Variants in PCDHA4 observed in about 807,000 individuals in gnomAD.
PCDHA4 encodes the protein protocadherin alpha 4.
Under a neutral mutation model 61.4 loss-of-function variants are expected in PCDHA4, and 49 were observed. The ratio of observed to expected loss-of-function variants is 0.80; its 90% CI spans 0.63 to 1.01. The LOEUF is 1.01. PCDHA4 is among the 50% of genes least tolerant of loss of function. The pLI, the probability that PCDHA4 is intolerant of heterozygous loss-of-function variation, is 0.00. For missense variants in PCDHA4, 1,254 were observed against 1,235.8 expected, an observed-to-expected ratio of 1.01 and a Z score of -0.22; for synonymous variants, 590 against 550.3, an observed-to-expected ratio of 1.07 and a Z score of -1.01.
chr5:140,832,222 T>A (rs1554133477), intron 1 of PCDHA4, among the ~76,000 whole-genome samples: 1 of 152,164 alleles, frequency 6.6e-6, no homozygotes, highest in Non-Finnish European at 1.5e-5. Context: ...TTTCCTGGAG[T>A]TGGTTTTGAC....
At chr5:140,874,079 T>C (rs1397045171) in intron 1 of PCDHA4, among the ~76,000 whole-genome samples, 2 of 152,234 alleles carry the variant, frequency 1.3e-5, no homozygotes, top group African/African-American at 4.8e-5. Flanking sequence ...CCTGATGACA[T>C]CAAAATTCAA....
chr5:140,999,628 G>C (rs1169273057), intron 3 of PCDHA4, among the ~76,000 whole-genome samples: 2 of 152,182 alleles, frequency 1.3e-5, no homozygotes, highest in Admixed American at 1.3e-4. Context: ...AGGAAACAAG[G>C]TAGAGAAAAC....
intron 1 of PCDHA4, among the ~76,000 whole-genome samples, chr5:140,975,280 T>G (rs914764307): frequency 5.3e-5 from 8 of 152,252 alleles, no homozygotes; most frequent in Admixed American, 3.9e-4. Context: ...CTCTGACCTC[T>G]AGACCCAGAT....
At chr5:140,926,115 A>G (rs1554203115) in intron 1 of PCDHA4, among the ~76,000 whole-genome samples, 1 of 152,134 alleles carries the variant, frequency 6.6e-6, no homozygotes, top group East Asian at 1.9e-4. Context: ...AGGGTGCAGG[A>G]CAGACTTCAA....
At chr5:140,821,659 T>C in intron 1 of PCDHA4, 4 of 1,173,458 alleles carry the variant, frequency 3.4e-6, no homozygotes, top group Non-Finnish European at 4.8e-6. Context: ...TTTTTGGCTG[T>C]GCCAAGAAGC....
intron 1 of PCDHA4, among the ~76,000 whole-genome samples, chr5:140,964,114 C>T (rs1227257943): frequency 6.6e-6 from 1 of 151,992 alleles, no homozygotes; most frequent in Non-Finnish European, 1.5e-5. Context: ...TGAGCAATCA[C>T]ATTCTAACAA....
intron 1 of PCDHA4, among the ~76,000 whole-genome samples, chr5:140,935,798 G>T (rs1302798386): frequency 6.6e-6 from 1 of 151,552 alleles, no homozygotes; most frequent in Non-Finnish European, 1.5e-5. Context: ...ATATAAACGA[G>T]ATTATTTCAT....
chr5:140,830,344 G>A, intron 1 of PCDHA4: 2 of 1,614,112 alleles, frequency 1.2e-6, no homozygotes, highest in Non-Finnish European at 1.7e-6. Flanking sequence ...GGTCGTACTC[G>A]CAGCAGAGGC....
rs1446194845 is a variant in PCDHA4 at position 140,858,041 on chromosome 5, C to T, written c.2385+48469C>T. 8 of 1,596,732 alleles carry T rather than the reference C, an allele frequency of 5.0e-6. No homozygotes were observed. The African/African-American group carries it at 6.8e-5, about 14-fold the overall frequency. On this transcript the variant is annotated intron_variant, in intron 1 of 3. Transcript: ENST00000530339. ...GTCGCTGACGGCCACGGCCACTGTG[C>T]TTGTGTCGCTTGTGGAGGGCAGCCA...
Position 140,808,837 on chromosome 5 carries a change from G to A in PCDHA4, c.1650G>A (p.Thr550=), listed in dbSNP as rs1764276126. The change falls in exon 1 of 4, where the codon ACG becomes ACA. Residue 550 remains threonine (T), a synonymous_variant. Transcript: ENST00000530339. ...TGCCACCTCTGGGCAGCAACGTGAC[G>A]CTGCAGGTGTTCGTGCTGGACGAAA... ...AGVPPLGSNV[T]LQVFVLDEND... 11 of 1,613,056 alleles carry A rather than the reference G, an allele frequency of 6.8e-6. No homozygotes were observed. The highest frequency in any genetic ancestry group is 2.7e-5 in the African/African-American group (2 of 75,058).
intron 1 of PCDHA4, among the ~76,000 whole-genome samples, chr5:140,936,741 C>T (rs1234099505): frequency 3.3e-5 from 5 of 152,138 alleles, no homozygotes; most frequent in African/African-American, 1.2e-4. Flanking sequence ...AGTAACTTTT[C>T]ATTTGTATTG....
In PCDHA4 at chr5:140,828,940, C is replaced by G. The variant is rs2150161042; in HGVS notation, c.2385+19368C>G. The G allele has an allele frequency of 9.3e-6, 15 of 1,614,160 alleles. No homozygotes were observed. In the South Asian group the frequency reaches 1.4e-4, roughly 15 times the overall value. Reference sequence around the variant, plus strand: ...GGGCAATTTCATATTCTTTTAATAGCCTTGTTGCAGCCATGGTTATTGACC... The same window carrying G: ...GGGCAATTTCATATTCTTTTAATAGGCTTGTTGCAGCCATGGTTATTGACC... On this transcript the variant is annotated intron_variant, in intron 1 of 3. Coordinates refer to ENST00000530339, the MANE Select transcript of PCDHA4 (RefSeq NM_018907.4).
chr5:140,850,291 C>G (rs2150477990), intron 1 of PCDHA4: 2 of 1,595,974 alleles, frequency 1.3e-6, no homozygotes, highest in South Asian at 2.2e-5. Flanking sequence ...GCAGTGGACG[C>G]CGACTCGGGC....
chr5:141,010,405 C>A lies in PCDHA4; in HGVS notation c.*468C>A. The A allele has an allele frequency of 7.9e-7, 1 of 1,260,098 alleles. No homozygotes were observed. The highest frequency in any genetic ancestry group is 1.1e-6 in the Non-Finnish European group (1 of 934,062). The allele number at this position is 1,260,098 out of a possible 1,614,324, so 78.1% of individuals were successfully genotyped here. On this transcript the variant is annotated 3_prime_UTR_variant, in exon 4 of 4. Transcript: ENST00000530339. ...ATTGGCTGAGACGAGCCAGCTTAGACTAATTGGTACAAGGAAGGCAAGAAA... is the reference window on the plus strand; with the variant it reads ...ATTGGCTGAGACGAGCCAGCTTAGAATAATTGGTACAAGGAAGGCAAGAAA...
In PCDHA4 at chr5:140,870,604, C is replaced by A. The variant is rs376574285; in HGVS notation, c.2385+61032C>A. 10 of 1,613,134 alleles carry A rather than the reference C, an allele frequency of 6.2e-6. No homozygotes were observed. The African/African-American group carries it at 6.7e-5, about 11-fold the overall frequency. Reference sequence around the variant, plus strand: ...GCTGGTGGAGCGGCGGTTGGGCGACCGCGCGCTGTCGAGCTACGTGTCGGT... The same window carrying A: ...GCTGGTGGAGCGGCGGTTGGGCGACAGCGCGCTGTCGAGCTACGTGTCGGT... On this transcript the variant is annotated intron_variant, in intron 1 of 3. Coordinates refer to ENST00000530339, the MANE Select transcript of PCDHA4 (RefSeq NM_018907.4).
Position 140,807,873 on chromosome 5 carries a change from T to C in PCDHA4, c.686T>C (p.Leu229Pro). 2 of 1,614,088 alleles carry C rather than the reference T, an allele frequency of 1.2e-6. No individual in the cohort carries two copies. Among genetic ancestry groups the C allele is most frequent in the Non-Finnish European group, 1.7e-6 (2 of 1,179,956 alleles). The change falls in exon 1 of 4, where the codon CTC (leucine) becomes CCC (proline). Residue 229 changes from leucine (L) to proline (P), a missense_variant. Leu to Pro is a moderately conservative substitution (Grantham distance 98). Coordinates refer to ENST00000530339, the MANE Select transcript of PCDHA4 (RefSeq NM_018907.4). ...KPELTGTVQL[L>P]ITVLDANDNA... ...GAGTTGACTGGCACCGTTCAGTTACTCATCACAGTACTGGATGCCAATGAC... is the reference window on the plus strand; with the variant it reads ...GAGTTGACTGGCACCGTTCAGTTACCCATCACAGTACTGGATGCCAATGAC...
chr5:140,817,360 A>G (rs2150097768), intron 1 of PCDHA4: 1 of 152,194 alleles, frequency 6.6e-6, no homozygotes, highest in East Asian at 1.9e-4. Flanking sequence ...GACCCTCTTA[A>G]CTGGTTTCGG....
At chr5:140,819,834 T>C (rs1554127752) in intron 1 of PCDHA4, among the ~76,000 whole-genome samples, 1 of 152,062 alleles carries the variant, frequency 6.6e-6, no homozygotes, top group East Asian at 1.9e-4. Context: ...ATATTGTTGA[T>C]GACTTTTTCT....
intron 1 of PCDHA4, among the ~76,000 whole-genome samples, chr5:140,911,657 ACTC>A (rs782570659): frequency 1.1e-4 from 16 of 151,986 alleles, no homozygotes; most frequent in Non-Finnish European, 1.6e-4. Flanking sequence ...GAGTTACTAA[ACTC>A]CTTGCCTCTC....
Sources: gnomAD v4.1 joint callset for allele counts (sites outside exome capture counted in the v4.1 genomes callset) on GRCh38, gnomAD v4.1.1 for gene constraint, MANE v1.5 for transcripts, NCBI Gene and HGNC (gene_info 2026-07-23, HGNC 2026-07-21) for gene names.